The following GGH variants were observed in gnomAD, a reference collection of about 807,000 sequenced individuals.
GGH encodes gamma-Glu-X carboxypeptidase.
A neutral mutation model predicts 39.2 loss-of-function variants in GGH; 18 were observed. That is an observed-to-expected ratio of 0.46 (90% CI 0.32 to 0.68). The LOEUF (loss-of-function observed/expected upper bound fraction) is 0.68, where lower values mean the gene tolerates loss of function less well. Among genes scored for constraint, GGH ranks in the 30% least tolerant of loss-of-function variants. The probability of loss-of-function intolerance (pLI) is 0.04; values close to 1 mark genes in which losing one functional copy is unlikely to be tolerated. For missense variants in GGH, 367 were observed against 384.1 expected (o/e 0.96, Z 0.37); for synonymous variants, 147 against 138.8 (o/e 1.06, Z -0.42).
rs10671033 is a variant in GGH, at chr8:63,033,983, T to TTATATATATATATATA, written c.224+1657_224+1672dup. The stretch of plus-strand genomic sequence containing the variant: ...TGGCTGCTCTGCCTTTTGTCTCTCC[T>TTATATATATATATATA]TATATATATATATATATGTCTCTCC... On this transcript the variant is annotated intron_variant, in intron 2 of 8. Transcript: ENST00000260118. 2.8e-5 allele frequency among the ~76,000 whole-genome samples: 4 copies of TTATATATATATATATA among 143,236 alleles called. No homozygotes were observed. The South Asian group carries it at 8.8e-4, about 31-fold the overall frequency. The allele number at this position is 143,236 out of a possible 152,430, so 94.0% of individuals were successfully genotyped here.
chr8:63,027,129 A>G (rs1804701405), intron 4 of GGH, 52 bp downstream of exon 4: 1 of 869,036 alleles, frequency 1.2e-6, no homozygotes, highest in Admixed American at 1.7e-5. Context: ...AACCACTCGC[A>G]CAAAAACTTA....
Position 63,038,599 on chromosome 8 carries a change from G to C in GGH, c.109+61C>G, listed in dbSNP as rs1180214953. ...CGCCAGCTGGAGCGCGGCGGCGGGA[G>C]GCGCCCAGCGCCAACACCCAGCTCC... is the stretch of plus-strand genomic sequence containing the variant. On this transcript the variant is annotated intron_variant, in intron 1 of 8. Coordinates refer to ENST00000260118, the MANE Select transcript of GGH (RefSeq NM_003878.3). 1.8e-5 allele frequency: 16 copies of C among 876,556 alleles called. No individual in the cohort carries two copies. In the African/African-American group the frequency reaches 2.8e-4, roughly 15 times the overall value. The allele number at this position is 876,556 out of a possible 1,614,324, so 54.3% of individuals were successfully genotyped here. A position where few individuals can be genotyped will look rare whatever the true frequency, so the allele number is the denominator to read the frequency against.
intron 7 of GGH, among the ~76,000 whole-genome samples, chr8:63,020,252 T>C (rs1196374628): frequency 6.6e-6 from 1 of 152,186 alleles, no homozygotes; most frequent in Non-Finnish European, 1.5e-5. Flanking sequence ...TAATAAAGCA[T>C]CTCAAGTGTT....
intron 3 of GGH, among the ~76,000 whole-genome samples, chr8:63,029,230 A>ATCTCT (rs1341125411): frequency 2.6e-5 from 4 of 152,168 alleles, no homozygotes; most frequent in Non-Finnish European, 5.9e-5. Context: ...AAATATGCAT[A>ATCTCT]TCTCTTCACC....
intron 7 of GGH, among the ~76,000 whole-genome samples, chr8:63,020,201 A>T (rs1276114706): frequency 6.6e-6 from 1 of 152,190 alleles, no homozygotes; most frequent in Non-Finnish European, 1.5e-5. Context: ...TGCCTCACTG[A>T]TTTAGACAGA....
At chr8:63,033,742 A>G (rs771233058) in intron 2 of GGH, among the ~76,000 whole-genome samples, 2 of 152,034 alleles carry the variant, frequency 1.3e-5, no homozygotes, top group Non-Finnish European at 2.9e-5. Flanking sequence ...TAGTGAGCAC[A>G]GTATCCAATA....
At chr8:63,016,273 C>T (rs1804485532) in intron 8 of GGH, among the ~76,000 whole-genome samples, 1 of 152,154 alleles carries the variant, frequency 6.6e-6, no homozygotes, top group South Asian at 2.1e-4. Context: ...ATTCACTCCA[C>T]GCACTCATGA....
intron 1 of GGH, among the ~76,000 whole-genome samples, chr8:63,037,220 TG>T (rs3837214): frequency 0.078 from 11,910 of 152,148 alleles, 897 homozygotes; most frequent in East Asian, 0.42. Context: ...TTCTCCTTAC[TG>T]GTAGGTAAGA....
At chr8:63,024,328 A>T (rs1804647124) in intron 5 of GGH, 142 bp from the exon 6 acceptor site, 1 of 561,668 alleles carries the variant, frequency 1.8e-6, no homozygotes, top group Non-Finnish European at 3.2e-6. Flanking sequence ...TCATTTCCAT[A>T]GAAGTATTCC....
chr8:63,033,983 TTATATA>T (rs10671033), intron 2 of GGH, among the ~76,000 whole-genome samples: 3 of 143,240 alleles, frequency 2.1e-5, no homozygotes, highest in Non-Finnish European at 4.5e-5. Flanking sequence ...TTGTCTCTCC[TTATATA>T]TATATATATA....
Position 63,015,433 on chromosome 8 carries a change from A to C in GGH, c.856T>G (p.Phe286Val), listed in dbSNP as rs972491030. The change falls in exon 9 of 9, where the codon TTT becomes GTT. Residue 286 changes from phenylalanine (F) to valine (V), a missense_variant. Coordinates refer to ENST00000260118, the MANE Select transcript of GGH (RefSeq NM_003878.3). ...TTCTCCTCTTCAGATTCAGATTTAA[A>C]ATGATGGTTGTTTTTCCGAGCTGCA... ...VNEARKNNHH[F>V]KSESEEEKAL... 7 of 1,542,680 alleles carry C rather than the reference A, an allele frequency of 4.5e-6. No individual in the cohort carries two copies. Among genetic ancestry groups the C allele is most frequent in the African/African-American group, 1.4e-5 (1 of 72,918 alleles).
At chr8:63,026,945 C>T in intron 4 of GGH, 2 of 504,562 alleles carry the variant, frequency 4.0e-6, no homozygotes, top group South Asian at 5.1e-5. Context: ...TTCACATTAA[C>T]AAGCATCAAG....
At chr8:63,017,893 G>A (rs1377895345) in intron 7 of GGH, 4 of 324,434 alleles carry the variant, frequency 1.2e-5, no homozygotes, top group African/African-American at 2.2e-5. Flanking sequence ...TAGAAGCTGA[G>A]CTGAGGAATC....
In GGH at chr8:63,024,112, C is replaced by A. The variant is rs1724734528; in HGVS notation, c.574G>T (p.Ala192Ser). ...GAGAGGCTCCACTTATGGAAATTGG[C>A]AGTCAGAGGTTCTACTGCTAATGAC... Reference protein sequence around the residue: ...LLSLAVEPLTANFHKWSLSVK... With the variant: ...LLSLAVEPLTSNFHKWSLSVK... The change falls in exon 6 of 9, where the codon GCC becomes TCC. Residue 192 changes from alanine to serine, a missense_variant. Transcript: ENST00000260118. The A allele has an allele frequency of 6.2e-7, 1 of 1,609,206 alleles. No individual in the cohort carries two copies. Among genetic ancestry groups the A allele is most frequent in the Admixed American group, 1.7e-5 (1 of 59,892 alleles).
At chr8:63,019,783 G>C (rs772565653) in intron 7 of GGH, among the ~76,000 whole-genome samples, 1 of 152,216 alleles carries the variant, frequency 6.6e-6, no homozygotes, top group East Asian at 1.9e-4. Context: ...CCTTTCATCC[G>C]AGGGCTATTT....
chr8:63,030,026 T>C (rs72658377), intron 3 of GGH, 141 bp downstream of exon 3: 11,477 of 472,304 alleles, frequency 0.024, 204 homozygotes, highest in South Asian at 0.028. Flanking sequence ...ATAAATCCTA[T>C]AAAAGAACTC....
chr8:63,023,616 G>A (rs1017540989), intron 7 of GGH: 33 of 199,142 alleles, frequency 1.7e-4, no homozygotes, highest in African/African-American at 4.6e-4. Flanking sequence ...AGTCTGTCAA[G>A]GTATTTAATC....
intron 2 of GGH, among the ~76,000 whole-genome samples, chr8:63,030,430 T>C (rs1804781421): frequency 6.6e-6 from 1 of 152,234 alleles, no homozygotes; most frequent in African/African-American, 2.4e-5. Flanking sequence ...TAAATATGTT[T>C]TTCTGTGATC....
chr8:63,035,302 A>T (rs918287232), intron 2 of GGH, among the ~76,000 whole-genome samples: 1 of 152,126 alleles, frequency 6.6e-6, no homozygotes, highest in East Asian at 1.9e-4. Context: ...TTTTAGAGAT[A>T]TTAGGCAGTA....
Sources: gnomAD v4.1 joint callset for allele counts (sites outside exome capture counted in the v4.1 genomes callset) on GRCh38, gnomAD v4.1.1 for gene constraint, MANE v1.5 for transcripts, NCBI Gene and HGNC (gene_info 2026-07-23, HGNC 2026-07-21) for gene names.